Variants in MAGI2 observed in about 807,000 individuals in gnomAD.
MAGI2 encodes membrane associated guanylate kinase, WW and PDZ domain containing 2.
In MAGI2, 35 loss-of-function variants were observed where a neutral mutation model predicts 133.3. The ratio of observed to expected loss-of-function variants is 0.26; its 90% CI spans 0.20 to 0.35. The LOEUF is 0.35. MAGI2 is among the 10% of genes least tolerant of loss of function. The pLI, the probability that MAGI2 is intolerant of heterozygous loss-of-function variation, is 1.00. For missense variants in MAGI2, 1,636 were observed against 1,863.4 expected (o/e 0.88, Z 2.25); for synonymous variants, 729 against 710.6 (o/e 1.03, Z -0.41).
chr7:78,327,722 T>C (rs1208416207), intron 9 of MAGI2, among the ~76,000 whole-genome samples: 1 of 152,130 alleles, frequency 6.6e-6, no homozygotes, highest in Non-Finnish European at 1.5e-5. Flanking sequence ...AATGAGCAAG[T>C]GGATGCATCT....
At chr7:78,504,922 ATAG>A (rs1372582611) in intron 4 of MAGI2, among the ~76,000 whole-genome samples, 7 of 152,282 alleles carry the variant, frequency 4.6e-5, no homozygotes, top group Admixed American at 1.3e-4. Context: ...AGAGAAATGT[ATAG>A]TATTAATCCT....
rs150916510 is a variant in MAGI2, at chr7:79,107,408, G to A, written c.302-100202C>T. Among the ~76,000 whole-genome samples, 813 of 152,338 alleles carry A rather than the reference G, an allele frequency of 5.3e-3. 3 individuals are homozygous for A. The highest frequency in any genetic ancestry group is 8.2e-3 in the Non-Finnish European group (558 of 68,032). Reference sequence around the variant, plus strand: ...GCAAATGACCTGAATGAACCTGAAAGTGGATTCTCCCCTAGAAGCCCCAGA... The same window carrying A: ...GCAAATGACCTGAATGAACCTGAAAATGGATTCTCCCCTAGAAGCCCCAGA... On this transcript the variant is annotated intron_variant, in intron 1 of 21. Coordinates refer to ENST00000354212, the MANE Select transcript of MAGI2 (RefSeq NM_012301.4).
intron 1 of MAGI2, among the ~76,000 whole-genome samples, chr7:79,177,725 A>G (rs1301194865): frequency 6.6e-6 from 1 of 152,086 alleles, no homozygotes; most frequent in Non-Finnish European, 1.5e-5. Context: ...TACATATGCT[A>G]ACCATTTAGT....
intron 2 of MAGI2, among the ~76,000 whole-genome samples, chr7:78,927,697 C>G (rs569713168): frequency 6.5e-4 from 99 of 151,920 alleles, no homozygotes; most frequent in Non-Finnish European, 1.2e-3. Context: ...TCCAAAAAAT[C>G]TTTTGAGTAA....
intron 2 of MAGI2, among the ~76,000 whole-genome samples, chr7:78,813,281 G>A (rs1789234728): frequency 6.6e-6 from 1 of 152,104 alleles, no homozygotes; most frequent in African/African-American, 2.4e-5. Flanking sequence ...TAATATAGAT[G>A]TGAAAATCTT....
intron 1 of MAGI2, among the ~76,000 whole-genome samples, chr7:79,390,909 A>G (rs1563179794): frequency 6.6e-6 from 1 of 152,180 alleles, no homozygotes; most frequent in Admixed American, 6.5e-5. Flanking sequence ...CCCTCTTTTG[A>G]GTCCCCAGCC....
At chr7:79,095,751 G>A (rs1817458737) in intron 1 of MAGI2, among the ~76,000 whole-genome samples, 1 of 151,878 alleles carries the variant, frequency 6.6e-6, no homozygotes, top group Non-Finnish European at 1.5e-5. Flanking sequence ...TAACACCAAA[G>A]GTTACTGATA....
intron 3 of MAGI2, among the ~76,000 whole-genome samples, chr7:78,622,717 A>C (rs1563256164): frequency 6.6e-6 from 1 of 152,058 alleles, no homozygotes; most frequent in African/African-American, 2.4e-5. Context: ...CTAGTTCCTC[A>C]GCTGTAGTTA....
At chr7:79,364,701 C>A (rs1842584329) in intron 1 of MAGI2, among the ~76,000 whole-genome samples, 1 of 151,782 alleles carries the variant, frequency 6.6e-6, no homozygotes, top group Non-Finnish European at 1.5e-5. Context: ...GGAAGAATAA[C>A]CCTTAAGTAA....
At chr7:79,281,790 T>C (rs1432906591) in intron 1 of MAGI2, among the ~76,000 whole-genome samples, 1 of 152,182 alleles carries the variant, frequency 6.6e-6, no homozygotes, top group Non-Finnish European at 1.5e-5. Flanking sequence ...AGTCATATTC[T>C]TGCAAGTTTT....
At chr7:78,828,612 A>G (rs1285894953) in intron 2 of MAGI2, among the ~76,000 whole-genome samples, 1 of 152,160 alleles carries the variant, frequency 6.6e-6, no homozygotes, top group African/African-American at 2.4e-5. Flanking sequence ...AGTAAAAACT[A>G]AGGAAATATG....
chr7:78,705,016 A>G (rs1306921780), intron 2 of MAGI2, among the ~76,000 whole-genome samples: 1 of 152,042 alleles, frequency 6.6e-6, no homozygotes, highest in Non-Finnish European at 1.5e-5. Context: ...GTAGAGGGTG[A>G]GCGGAGGGTA....
At chr7:79,160,577 A>T (rs944685357) in intron 1 of MAGI2, among the ~76,000 whole-genome samples, 19 of 152,148 alleles carry the variant, frequency 1.2e-4, no homozygotes, top group Non-Finnish European at 1.5e-5. Context: ...TTAAGAGTTT[A>T]TGCAAGACCC....
chr7:79,235,240 T>A (rs1279903517), intron 1 of MAGI2, among the ~76,000 whole-genome samples: 1 of 152,188 alleles, frequency 6.6e-6, no homozygotes, highest in African/African-American at 2.4e-5. Context: ...GTTACTGCTG[T>A]TTTTTTGTTT....
At chr7:78,803,952 T>C (rs113151687) in intron 2 of MAGI2, among the ~76,000 whole-genome samples, 1,880 of 152,386 alleles carry the variant, frequency 0.012, 19 homozygotes, top group Middle Eastern at 0.044. Context: ...AGTTATGTCA[T>C]GTCCTGTTAC....
intron 3 of MAGI2, among the ~76,000 whole-genome samples, chr7:78,619,264 A>G (rs1287721382): frequency 6.6e-6 from 1 of 151,844 alleles, no homozygotes; most frequent in Non-Finnish European, 1.5e-5. Context: ...CATGAGTGTA[A>G]GAAAAATGAA....
At chr7:78,475,243 GA>G (rs1361035765) in intron 6 of MAGI2, among the ~76,000 whole-genome samples, 1 of 151,644 alleles carries the variant, frequency 6.6e-6, no homozygotes. Context: ...TTGCTCTCAA[GA>G]AAAAAAATTA....
chr7:79,046,559 A>G (rs1244690545), intron 1 of MAGI2, among the ~76,000 whole-genome samples: 3 of 152,200 alleles, frequency 2.0e-5, no homozygotes, highest in African/African-American at 4.8e-5. Context: ...AAAGTCTGAA[A>G]ATATTCTAAG....
chr7:79,074,066 T>A (rs1165804289), intron 1 of MAGI2, among the ~76,000 whole-genome samples: 1 of 152,208 alleles, frequency 6.6e-6, no homozygotes, highest in Admixed American at 6.5e-5. Context: ...TGTAAATTTA[T>A]ATGCCCCACT....
Sources: gnomAD v4.1 joint callset for allele counts (sites outside exome capture counted in the v4.1 genomes callset) on GRCh38, gnomAD v4.1.1 for gene constraint, MANE v1.5 for transcripts, NCBI Gene and HGNC (gene_info 2026-07-23, HGNC 2026-07-21) for gene names.